PSEN1: variants seen among roughly 807,000 people sequenced by gnomAD.
PSEN1 encodes the protein presenilin 1.
In PSEN1, 15 loss-of-function variants were observed where a neutral mutation model predicts 53.5. That is an observed-to-expected ratio of 0.28 (90% CI 0.19 to 0.43). PSEN1 has a LOEUF of 0.43. Ranked by LOEUF, PSEN1 falls within the 20% of genes least tolerant of loss-of-function variation. PSEN1 has a pLI of 1.00. For missense variants in PSEN1, 387 were observed against 571.2 expected (o/e 0.68, Z 3.29); for synonymous variants, 208 against 209.8 (o/e 0.99, Z 0.08).
intron 5 of PSEN1, among the ~76,000 whole-genome samples, chr14:73,183,916 CG>C (rs1366652820): frequency 6.8e-6 from 1 of 148,146 alleles, no homozygotes; most frequent in Non-Finnish European, 1.5e-5. Flanking sequence ...GGCGGCTGGC[CG>C]GGCGGGGGGC....
intron 3 of PSEN1, among the ~76,000 whole-genome samples, chr14:73,158,936 G>A (rs1293422539): frequency 1.3e-5 from 2 of 151,968 alleles, no homozygotes; most frequent in South Asian, 2.1e-4. Flanking sequence ...TCTCATTTTG[G>A]TTTTAATTTA....
intron 11 of PSEN1, among the ~76,000 whole-genome samples, chr14:73,218,284 G>T (rs1900005924): frequency 6.6e-6 from 1 of 150,990 alleles, no homozygotes; most frequent in African/African-American, 2.4e-5. Context: ...ATGAGGTTTT[G>T]CCACATTGCC....
intron 9 of PSEN1, among the ~76,000 whole-genome samples, chr14:73,211,292 C>A (rs1334730988): frequency 6.6e-6 from 1 of 152,186 alleles, no homozygotes; most frequent in Non-Finnish European, 1.5e-5. Flanking sequence ...TCTTCGTGGT[C>A]ATGACAGCTG....
At chr14:73,148,189 G>C in intron 3 of PSEN1, 83 bp downstream of exon 3, 1 of 1,062,662 alleles carries the variant, frequency 9.4e-7, no homozygotes, top group Non-Finnish European at 1.4e-6. Flanking sequence ...TGCTGAGGGG[G>C]CTAGGCAGGC....
chr14:73,161,609 A>G (rs376241733), intron 3 of PSEN1, among the ~76,000 whole-genome samples: 1 of 152,334 alleles, frequency 6.6e-6, no homozygotes, highest in Admixed American at 6.5e-5. Flanking sequence ...CAAGCTGTCA[A>G]TAGTCCTCTC....
chr14:73,184,512 G>A (rs1286400997), intron 5 of PSEN1, among the ~76,000 whole-genome samples: 2 of 129,706 alleles, frequency 1.5e-5, no homozygotes, highest in Non-Finnish European at 3.3e-5. Context: ...CTGGCCGGGC[G>A]GGGGGCTGAC....
intron 7 of PSEN1, among the ~76,000 whole-genome samples, chr14:73,193,441 A>ACTC (rs1898805968): frequency 6.6e-6 from 1 of 151,138 alleles, no homozygotes; most frequent in South Asian, 2.1e-4. Flanking sequence ...GCTACTTGAG[A>ACTC]GGCTGAGGCA....
intron 4 of PSEN1, among the ~76,000 whole-genome samples, chr14:73,172,079 G>A (rs1259841954): frequency 6.6e-6 from 1 of 152,132 alleles, no homozygotes; most frequent in Non-Finnish European, 1.5e-5. Flanking sequence ...ATGGCCAAAC[G>A]AATTGTTAAT....
Position 73,169,737 on chromosome 14 carries a change from C to T in PSEN1, c.88-1060C>T, listed in dbSNP as rs549884966. Among the ~76,000 whole-genome samples the T allele has an allele frequency of 1.7e-3, 258 of 152,208 alleles. 2 individuals are homozygous for T. The highest frequency in any genetic ancestry group is 5.7e-3 in the African/African-American group (237 of 41,512). On this transcript the variant is annotated intron_variant, in intron 3 of 11. Transcript: ENST00000324501. ...CTCTGCTCACTGCAGCCTCCACCAC[C>T]CAGGTTCAGGTGATTCTCCTGCCGT...
Position 73,223,604 on chromosome 14 carries a change from A to G in PSEN1, c.*4315A>G, listed in dbSNP as rs1882692200. On this transcript the variant is annotated 3_prime_UTR_variant, in exon 12 of 12. Transcript: ENST00000324501. Reference sequence around the variant, plus strand: ...CTGTGAATACACCTTTTTTATAAATACCTTTCAAATTCTTGGTAAGATATA... The same window carrying G: ...CTGTGAATACACCTTTTTTATAAATGCCTTTCAAATTCTTGGTAAGATATA... 6.6e-6 allele frequency: 1 copy of G among 152,110 alleles called. No individual in the cohort carries two copies. The highest frequency in any genetic ancestry group is 6.6e-5 in the Admixed American group (1 of 15,266). 9.4% of individuals were successfully genotyped at this position (152,110 alleles called of 1,614,324 possible).
At chr14:73,172,832 C>T (rs1897931508) in intron 4 of PSEN1, among the ~76,000 whole-genome samples, 1 of 152,198 alleles carries the variant, frequency 6.6e-6, no homozygotes, top group South Asian at 2.1e-4. Context: ...TCTTTAGCTT[C>T]TAACCTCTAG....
chr14:73,200,300 C>T (rs1216979073), intron 8 of PSEN1, among the ~76,000 whole-genome samples: 1 of 151,984 alleles, frequency 6.6e-6, no homozygotes. Flanking sequence ...GAGACAGTCT[C>T]TCTCTGTCAC....
intron 4 of PSEN1, among the ~76,000 whole-genome samples, chr14:73,171,995 A>T (rs1303974607): frequency 6.6e-6 from 1 of 152,156 alleles, no homozygotes; most frequent in Non-Finnish European, 1.5e-5. Flanking sequence ...TACATTGTTT[A>T]TTTAATGCCT....
rs141689717 is a variant in PSEN1 at position 73,218,473 on chromosome 14, T to C, written c.1249-661T>C. Among the ~76,000 whole-genome samples, 11 of 152,346 alleles carry C rather than the reference T, an allele frequency of 7.2e-5. No individual in the cohort carries two copies. The East Asian group carries it at 1.9e-3, about 27-fold the overall frequency. ...TGTTATCTTGGCCGGGTGAAGACTTTCTAGTGTTTCCGTAACTAGGGTAAA... is the reference window on the plus strand; with the variant it reads ...TGTTATCTTGGCCGGGTGAAGACTTCCTAGTGTTTCCGTAACTAGGGTAAA... On this transcript the variant is annotated intron_variant, in intron 11 of 11. Transcript: ENST00000324501.
At chr14:73,174,774 C>A (rs1322174302) in intron 5 of PSEN1, among the ~76,000 whole-genome samples, 1 of 152,186 alleles carries the variant, frequency 6.6e-6, no homozygotes, top group Non-Finnish European at 1.5e-5. Context: ...TGCATCCTCT[C>A]ACCATCTCCA....
intron 5 of PSEN1, among the ~76,000 whole-genome samples, chr14:73,180,516 T>A (rs892328514): frequency 1.3e-5 from 2 of 152,216 alleles, no homozygotes; most frequent in African/African-American, 4.8e-5. Flanking sequence ...ATTTTTCATA[T>A]CAGTGGTTGG....
chr14:73,169,328 C>T (rs1251121504), intron 3 of PSEN1: 1 of 152,124 alleles, frequency 6.6e-6, no homozygotes, highest in Non-Finnish European at 1.5e-5. Context: ...CACTTCTCTC[C>T]TTGGTCATCT....
intron 11 of PSEN1, among the ~76,000 whole-genome samples, chr14:73,218,094 T>TC (rs1899994728): frequency 7.0e-6 from 1 of 143,704 alleles, no homozygotes; most frequent in Non-Finnish European, 1.5e-5. Flanking sequence ...GGCTTTTTTT[T>TC]TTTTTTTTTT....
At chr14:73,156,296 C>T (rs1322541300) in intron 3 of PSEN1, among the ~76,000 whole-genome samples, 1 of 151,850 alleles carries the variant, frequency 6.6e-6, no homozygotes, top group African/African-American at 2.4e-5. Flanking sequence ...GTGGAAGTTG[C>T]AGTGAGCAGT....
Sources: allele counts gnomAD v4.1 joint callset (sites outside exome capture counted in the v4.1 genomes callset), GRCh38; gene constraint gnomAD v4.1.1; transcripts MANE v1.5; gene names NCBI Gene and HGNC (gene_info 2026-07-23, HGNC 2026-07-21).